Variants in SEMA5A observed in about 807,000 individuals in gnomAD.
SEMA5A encodes the protein semaphorin 5A, also known as semaphorin-5A.
Under a neutral mutation model 135.5 loss-of-function variants are expected in SEMA5A, and 55 were observed. The observed-to-expected ratio is 0.41, with a 90% CI of 0.33 to 0.51. The LOEUF is 0.51. Ranked by LOEUF, SEMA5A falls within the 20% of genes least tolerant of loss-of-function variation. The pLI, the probability that SEMA5A is intolerant of heterozygous loss-of-function variation, is 0.37. For synonymous variants in SEMA5A, 580 were observed against 546.5 expected, an observed-to-expected ratio of 1.06 and a Z score of -0.85; for missense variants, 1,290 against 1,419.9, an observed-to-expected ratio of 0.91 and a Z score of 1.47.
At chr5:9,472,293 T>C (rs941999819) in intron 1 of SEMA5A, among the ~76,000 whole-genome samples, 1 of 152,218 alleles carries the variant, frequency 6.6e-6, no homozygotes. Context: ...CATGACACTT[T>C]TGAGCATAAG....
In SEMA5A at chr5:9,278,817, G is replaced by A. The variant is rs544312488; in HGVS notation, c.270+39555C>T. Among the ~76,000 whole-genome samples the A allele has an allele frequency of 3.9e-5, 6 of 152,366 alleles. No individual in the cohort carries two copies. The East Asian group carries it at 1.2e-3, about 29-fold the overall frequency. On this transcript the variant is annotated intron_variant, in intron 5 of 22. Transcript: ENST00000382496. ...CTGGGCCTGCAGGTGCACAGAAGGT[G>A]AGAGTTGAGGTTTGGGAACCTCCAC...
In SEMA5A at chr5:9,275,843, G is replaced by C. The variant is rs148841368; in HGVS notation, c.271-37953C>G. ...TGATGGAACATATCTCAAATAATAA[G>C]AGCTATTTATGACAAACCCACAGCC... On this transcript the variant is annotated intron_variant, in intron 5 of 22. Transcript: ENST00000382496. 3.0e-3 allele frequency among the ~76,000 whole-genome samples: 460 copies of C among 152,194 alleles called. 7 individuals carry two copies. The highest frequency in any genetic ancestry group is 0.011 in the African/African-American group (438 of 41,516).
intron 6 of SEMA5A, among the ~76,000 whole-genome samples, chr5:9,233,203 A>C (rs1027660402): frequency 2.6e-5 from 4 of 152,234 alleles, no homozygotes; most frequent in African/African-American, 9.6e-5. Flanking sequence ...TTTCATTCCC[A>C]TAATAATCAG....
chr5:9,206,631 T>C (rs1334219922), intron 8 of SEMA5A, among the ~76,000 whole-genome samples: 1 of 152,070 alleles, frequency 6.6e-6, no homozygotes, highest in Non-Finnish European at 1.5e-5. Context: ...TAATAGGTTC[T>C]TGATATAAAA....
chr5:9,171,000 T>C (rs1282650008), intron 11 of SEMA5A, among the ~76,000 whole-genome samples: 1 of 151,978 alleles, frequency 6.6e-6, no homozygotes, highest in East Asian at 1.9e-4. Flanking sequence ...AGGGGCTCCA[T>C]ATGGGAGAGG....
chr5:9,156,363 A>G (rs1047654754), intron 11 of SEMA5A, among the ~76,000 whole-genome samples: 3 of 152,158 alleles, frequency 2.0e-5, no homozygotes. Context: ...CAGGGACAAG[A>G]TGGGGGCTTC....
chr5:9,313,739 T>G (rs1752246364), intron 5 of SEMA5A, among the ~76,000 whole-genome samples: 1 of 152,168 alleles, frequency 6.6e-6, no homozygotes, highest in South Asian at 2.1e-4. Flanking sequence ...AAAGAGGTGT[T>G]GTCTCCAGTG....
intron 2 of SEMA5A, among the ~76,000 whole-genome samples, chr5:9,417,973 C>T (rs1439512976): frequency 7.9e-6 from 1 of 126,500 alleles, no homozygotes; most frequent in African/African-American, 3.2e-5. Flanking sequence ...TCTCCAGTGT[C>T]TCTTCTTTTT....
At chr5:9,073,602 C>T (rs1737883821) in intron 16 of SEMA5A, among the ~76,000 whole-genome samples, 1 of 151,976 alleles carries the variant, frequency 6.6e-6, no homozygotes, top group Non-Finnish European at 1.5e-5. Context: ...GAAGTTCTAG[C>T]CAGTGCAATC....
chr5:9,246,063 T>C (rs943615801), intron 5 of SEMA5A, among the ~76,000 whole-genome samples: 1 of 152,144 alleles, frequency 6.6e-6, no homozygotes, highest in Admixed American at 6.6e-5. Flanking sequence ...TTGTCAGACC[T>C]TGAAGCATCA....
chr5:9,164,401 T>C (rs959537358), intron 11 of SEMA5A, among the ~76,000 whole-genome samples: 7 of 149,960 alleles, frequency 4.7e-5, no homozygotes, highest in East Asian at 3.9e-4. Flanking sequence ...ATTATAAATA[T>C]TTTTTTGCTT....
chr5:9,397,246 G>A (rs1347892069), intron 2 of SEMA5A, among the ~76,000 whole-genome samples: 1 of 152,160 alleles, frequency 6.6e-6, no homozygotes, highest in Non-Finnish European at 1.5e-5. Context: ...ATAAATGAGT[G>A]CTCATGTGAA....
intron 5 of SEMA5A, among the ~76,000 whole-genome samples, chr5:9,252,244 T>A (rs1380289227): frequency 2.0e-5 from 3 of 152,192 alleles, no homozygotes; most frequent in African/African-American, 4.8e-5. Context: ...TCTTCACTAC[T>A]GAGATTTCAA....
At chr5:9,053,620 G>C (rs1472760235) in intron 19 of SEMA5A, among the ~76,000 whole-genome samples, 2 of 152,102 alleles carry the variant, frequency 1.3e-5, no homozygotes, top group South Asian at 2.1e-4. Flanking sequence ...AGACAAAAAG[G>C]CTGCAGGCGA....
chr5:9,287,161 T>A (rs1287991076), intron 5 of SEMA5A, among the ~76,000 whole-genome samples: 1 of 152,208 alleles, frequency 6.6e-6, no homozygotes, highest in African/African-American at 2.4e-5. Context: ...TGAGCACAAG[T>A]ACATGCACAC....
intron 5 of SEMA5A, among the ~76,000 whole-genome samples, chr5:9,241,692 A>G (rs1748206488): frequency 6.6e-6 from 1 of 152,198 alleles, no homozygotes; most frequent in Non-Finnish European, 1.5e-5. Context: ...GCACACAGAC[A>G]TACTACGGTT....
intron 13 of SEMA5A, among the ~76,000 whole-genome samples, chr5:9,124,384 T>C (rs571714629): frequency 6.6e-6 from 1 of 152,268 alleles, no homozygotes; most frequent in African/African-American, 2.4e-5. Flanking sequence ...TTACATCACA[T>C]GCCCAGAAAC....
chr5:9,353,679 G>A (rs752375613), intron 3 of SEMA5A, among the ~76,000 whole-genome samples: 15 of 151,946 alleles, frequency 9.9e-5, no homozygotes, highest in South Asian at 2.1e-4. Flanking sequence ...AATATCTTCC[G>A]GTGAAAATGA....
chr5:9,474,370 C>T (rs1285570560), intron 1 of SEMA5A, among the ~76,000 whole-genome samples: 1 of 151,850 alleles, frequency 6.6e-6, no homozygotes, highest in Non-Finnish European at 1.5e-5. Context: ...CTCAGACACA[C>T]ATGGGGAAAC....
Sources: allele counts gnomAD v4.1 joint callset (sites outside exome capture counted in the v4.1 genomes callset), GRCh38; gene constraint gnomAD v4.1.1; transcripts MANE v1.5; gene names NCBI Gene and HGNC (gene_info 2026-07-23, HGNC 2026-07-21).